The following RRAGC variants were observed in gnomAD, a reference collection of about 807,000 sequenced individuals.
RRAGC encodes the protein ras-related GTP-binding protein C.
RRAGC carries 8 observed loss-of-function variants against 37.1 expected under a neutral mutation model. That is an observed-to-expected ratio of 0.22 (90% confidence interval 0.13 to 0.39). The LOEUF is 0.39. Among genes scored for constraint, RRAGC ranks in the 10% least tolerant of loss-of-function variants. The pLI, the probability that RRAGC is intolerant of heterozygous loss-of-function variation, is 1.00. For missense variants in RRAGC, 342 were observed against 497.6 expected (o/e 0.69, Z 2.98); for synonymous variants, 190 against 181.1 (o/e 1.05, Z -0.39).
At chr1:38,841,902 C>T (rs1378277646) in intron 6 of RRAGC, among the ~76,000 whole-genome samples, 2 of 152,060 alleles carry the variant, frequency 1.3e-5, no homozygotes, top group African/African-American at 2.4e-5. Flanking sequence ...TTTGGGAGGC[C>T]GAGGCAGGCA....
At chr1:38,849,688 C>CA (rs1228371131) in intron 5 of RRAGC, among the ~76,000 whole-genome samples, 4 of 150,780 alleles carry the variant, frequency 2.7e-5, no homozygotes, top group South Asian at 4.2e-4. Context: ...GACTCTGTCT[C>CA]AAAAAAATAA....
At position 38,858,957 on chromosome 1, in the gene RRAGC, T is replaced by C. The variant is rs867153180; in HGVS notation, c.237+453A>G. On this transcript the variant is annotated intron_variant, in intron 1 of 6. Transcript: ENST00000373001. ...CAGTAGCGAGAATTACAACGCCCAG[T>C]GTCTTAGTCACAACTCTTCCTGACG... is the stretch of plus-strand genomic sequence containing the variant. 2.6e-5 allele frequency among the ~76,000 whole-genome samples: 4 copies of C among 152,334 alleles called. No individual in the cohort carries two copies. In the South Asian group the frequency reaches 8.3e-4, roughly 32 times the overall value.
intron 4 of RRAGC, 109 bp from the exon 5 acceptor site, chr1:38,851,866 T>C (rs1208414411): frequency 1.4e-5 from 13 of 951,416 alleles, no homozygotes; most frequent in Admixed American, 7.7e-5. Flanking sequence ...TTTAATTATA[T>C]AACCCAATAC....
chr1:38,850,428 G>A (rs1642085516), intron 5 of RRAGC, among the ~76,000 whole-genome samples: 1 of 151,836 alleles, frequency 6.6e-6, no homozygotes, highest in African/African-American at 2.4e-5. Flanking sequence ...GCAGGAAAGT[G>A]GCGTGAACCT....
chr1:38,851,511 T>C (rs1642100725), intron 5 of RRAGC, 104 bp downstream of exon 5: 10 of 1,031,488 alleles, frequency 9.7e-6, no homozygotes, highest in African/African-American at 1.7e-5. Flanking sequence ...TCCCAGTTCA[T>C]GTAGTACCAC....
intron 5 of RRAGC, among the ~76,000 whole-genome samples, chr1:38,849,515 C>T (rs1642069629): frequency 6.6e-6 from 1 of 151,894 alleles, no homozygotes; most frequent in Non-Finnish European, 1.5e-5. Context: ...ATGGTAAAAC[C>T]CTGTCTCTAC....
Position 38,859,697 on chromosome 1 carries a change from C to G in RRAGC, c.-51G>C, listed in dbSNP as rs926283242. On this transcript the variant is annotated 5_prime_UTR_variant, in exon 1 of 7. Transcript: ENST00000373001. ...CCCTGACAGGCCAGGCCAGGCCGAG[C>G]CAGGCCGCCGCCTCCCCAGTCCGCC... The G allele has an allele frequency of 7.3e-7, 1 of 1,370,736 alleles. No homozygotes were observed. The highest frequency in any genetic ancestry group is 3.5e-5 in the Admixed American group (1 of 28,894). The allele number at this position is 1,370,736 out of a possible 1,614,324, so 84.9% of individuals were successfully genotyped here.
chr1:38,840,862 T>C (rs546633343), intron 6 of RRAGC, among the ~76,000 whole-genome samples: 1 of 152,328 alleles, frequency 6.6e-6, no homozygotes, highest in East Asian at 1.9e-4. Context: ...AAAAGACAAG[T>C]TTTGATCAAT....
chr1:38,843,996 T>C (rs1641998061), intron 6 of RRAGC, among the ~76,000 whole-genome samples: 1 of 151,962 alleles, frequency 6.6e-6, no homozygotes, highest in Non-Finnish European at 1.5e-5. Flanking sequence ...AAGTAACAGT[T>C]ACAAGAAACA....
Position 38,855,770 on chromosome 1 carries a change from CCT to C in RRAGC, c.577_578del (p.Arg193GlyfsTer8). 1 of 1,613,962 alleles carries C rather than the reference CCT, an allele frequency of 6.2e-7. No individual in the cohort carries two copies. The highest frequency in any genetic ancestry group is 8.5e-7 in the Non-Finnish European group (1 of 1,179,950). On this transcript the variant is annotated frameshift_variant, in exon 3 of 7. Transcript: ENST00000373001. LOFTEE classifies it high-confidence loss of function. ...LSDDHKIETQ[R>X]DIHQRANDDL... ...CATCATTGGCCCTTTGATGAATGTC[CCT>C]CTGTGTTTCTATTTTGTGATCATCA... is the stretch of plus-strand genomic sequence containing the variant.
At chr1:38,840,641 T>C in intron 6 of RRAGC, among the ~76,000 whole-genome samples, 1 of 152,234 alleles carries the variant, frequency 6.6e-6, no homozygotes, top group Non-Finnish European at 1.5e-5. Context: ...CACGATTTAA[T>C]TAGGCAGAAA....
intron 5 of RRAGC, among the ~76,000 whole-genome samples, chr1:38,850,677 G>C (rs981227698): frequency 1.3e-5 from 2 of 152,138 alleles, no homozygotes; most frequent in African/African-American, 4.8e-5. Context: ...AGAGTCAGAG[G>C]TGAAAGAGAT....
chr1:38,844,211 CAG>C (rs889875140), intron 6 of RRAGC, among the ~76,000 whole-genome samples: 23 of 152,100 alleles, frequency 1.5e-4, no homozygotes, highest in African/African-American at 3.6e-4. Flanking sequence ...AGTCACAAAA[CAG>C]GGGAAATACT....
intron 2 of RRAGC, 25 bp downstream of exon 2, chr1:38,856,854 G>C: frequency 6.9e-6 from 11 of 1,598,652 alleles, no homozygotes; most frequent in South Asian, 1.1e-5. Context: ...CACCAGGAAA[G>C]AGGAGTAAAC....
chr1:38,849,963 T>G (rs1280420039), intron 5 of RRAGC, among the ~76,000 whole-genome samples: 2 of 151,516 alleles, frequency 1.3e-5, no homozygotes, highest in Non-Finnish European at 2.9e-5. Flanking sequence ...TCCCAGCGCT[T>G]TGGGAGGCCA....
chr1:38,857,140 A>T (rs991463562), intron 1 of RRAGC, 58 bp from the exon 2 acceptor site: 28 of 1,378,450 alleles, frequency 2.0e-5, no homozygotes, highest in Non-Finnish European at 1.5e-5. Flanking sequence ...TAAATTTAAA[A>T]TTCCACCCTG....
At chr1:38,844,095 A>T (rs1641999611) in intron 6 of RRAGC, among the ~76,000 whole-genome samples, 1 of 152,122 alleles carries the variant, frequency 6.6e-6, no homozygotes, top group Admixed American at 6.6e-5. Flanking sequence ...ACCAATCTGC[A>T]AGGGCCCCTT....
At chr1:38,852,343 G>T in intron 4 of RRAGC, 31 bp downstream of exon 4, 1 of 1,092,098 alleles carries the variant, frequency 9.2e-7, no homozygotes, top group Non-Finnish European at 1.4e-6. Flanking sequence ...ATCAGAAGCT[G>T]CAGTGAATTA....
intron 5 of RRAGC, 180 bp from the exon 6 acceptor site, chr1:38,846,267 A>T: frequency 1.8e-6 from 1 of 548,596 alleles, no homozygotes; most frequent in Admixed American, 3.8e-5. Flanking sequence ...TTTCAGGGAT[A>T]CCTATTAAAA....
Sources: allele counts gnomAD v4.1 joint callset (sites outside exome capture counted in the v4.1 genomes callset), GRCh38; gene constraint gnomAD v4.1.1; transcripts MANE v1.5; gene names NCBI Gene and HGNC (gene_info 2026-07-23, HGNC 2026-07-21).